Variants in SMOC2 observed in about 807,000 individuals in gnomAD.
SMOC2 encodes the protein SPARC related modular calcium binding 2.
A neutral mutation model predicts 61.4 loss-of-function variants in SMOC2; 39 were observed. That is an observed-to-expected ratio of 0.64 (90% CI 0.49 to 0.83). The LOEUF (loss-of-function observed/expected upper bound fraction) is 0.83. Ranked by LOEUF, SMOC2 falls within the 40% of genes least tolerant of loss-of-function variation. The probability of loss-of-function intolerance (pLI) is 0.00; values close to 1 mark genes in which losing one functional copy is unlikely to be tolerated. For missense variants in SMOC2, 556 were observed against 592.9 expected (o/e 0.94, Z 0.65); for synonymous variants, 247 against 239.9 (o/e 1.03, Z -0.27).
intron 1 of SMOC2, among the ~76,000 whole-genome samples, chr6:168,497,620 G>A (rs988083526): frequency 2.0e-5 from 3 of 152,142 alleles, no homozygotes; most frequent in Non-Finnish European, 4.4e-5. Flanking sequence ...CCCCCGGAAC[G>A]TACCGTTCTC....
At chr6:168,462,736 G>A (rs1449053858) in intron 1 of SMOC2, among the ~76,000 whole-genome samples, 1 of 152,178 alleles carries the variant, frequency 6.6e-6, no homozygotes, top group Non-Finnish European at 1.5e-5. Flanking sequence ...GGAGAAAAAG[G>A]GTTTGGGCTG....
rs529997029 is a variant in SMOC2 at position 168,462,000 on chromosome 6, A to G, written c.84+20546A>G. On this transcript the variant is annotated intron_variant, in intron 1 of 12. Coordinates refer to ENST00000356284, the MANE Select transcript of SMOC2 (RefSeq NM_001166412.2). ...TTTCTCTCCCTTTCTCATAGTTTCTACTGGAGGAGGGCTCTTTATTTTTTT... is the reference window on the plus strand; with the variant it reads ...TTTCTCTCCCTTTCTCATAGTTTCTGCTGGAGGAGGGCTCTTTATTTTTTT... 1.2e-4 allele frequency among the ~76,000 whole-genome samples: 18 copies of G among 152,224 alleles called. 1 individual carries two copies. The South Asian group carries it at 3.7e-3, about 32-fold the overall frequency.
At chr6:168,562,943 C>T (rs571345230) in intron 7 of SMOC2, among the ~76,000 whole-genome samples, 36 of 152,330 alleles carry the variant, frequency 2.4e-4, no homozygotes, top group African/African-American at 7.9e-4. Flanking sequence ...TCGAACCAAC[C>T]CTGTTCCCTC....
chr6:168,603,782 C>T (rs1041700056), intron 8 of SMOC2, among the ~76,000 whole-genome samples: 9 of 151,676 alleles, frequency 5.9e-5, no homozygotes, highest in Admixed American at 1.3e-4. Context: ...ATGGCAGGGG[C>T]GACTCCCTGA....
chr6:168,490,604 C>G (rs1782451926), intron 1 of SMOC2, among the ~76,000 whole-genome samples: 2 of 152,114 alleles, frequency 1.3e-5, no homozygotes, highest in African/African-American at 4.8e-5. Context: ...CTTGCAAGCC[C>G]CTAGGTTTAT....
At chr6:168,574,458 G>T (rs1282549394) in intron 7 of SMOC2, among the ~76,000 whole-genome samples, 2 of 152,248 alleles carry the variant, frequency 1.3e-5, no homozygotes, top group African/African-American at 4.8e-5. Context: ...ATCCCTGGGA[G>T]AGTGAACCTT....
chr6:168,447,282 G>C (rs1403986699), intron 1 of SMOC2, among the ~76,000 whole-genome samples: 1 of 152,092 alleles, frequency 6.6e-6, no homozygotes, highest in Non-Finnish European at 1.5e-5. Flanking sequence ...TGCTGTCCAG[G>C]CTGGTCTCGA....
rs567869190 is a variant in SMOC2, at chr6:168,604,704, A to G, written c.825-3453A>G. Among the ~76,000 whole-genome samples the G allele has an allele frequency of 1.5e-3, 230 of 152,304 alleles. 1 individual carries two copies. The highest frequency in any genetic ancestry group is 3.4e-3 in the Middle Eastern group (1 of 294). ...TAACAGTAAGAAGCTATAAACATAA[A>G]TTGCATCGTCTTTGATATGTGACCT... On this transcript the variant is annotated intron_variant, in intron 8 of 12. Transcript: ENST00000356284.
rs547620058 is a variant in SMOC2, at chr6:168,619,135, A to T, written c.907+10896A>T. On this transcript the variant is annotated intron_variant, in intron 9 of 12. Transcript: ENST00000356284. ...CACATTGTTGAGTTATTTTAGAAGC[A>T]ATGTGGCTTGTTTTTGTTTATGGTT... 1.2e-4 allele frequency among the ~76,000 whole-genome samples: 18 copies of T among 152,252 alleles called. No individual in the cohort carries two copies. The East Asian group carries it at 3.3e-3, about 28-fold the overall frequency.
chr6:168,650,060 T>C (rs893235788), intron 9 of SMOC2, among the ~76,000 whole-genome samples: 13 of 152,150 alleles, frequency 8.5e-5, no homozygotes, highest in Admixed American at 8.5e-4. Flanking sequence ...CGCTGCAGAA[T>C]GTTGGGTGCC....
intron 1 of SMOC2, among the ~76,000 whole-genome samples, chr6:168,493,542 C>T (rs941578874): frequency 3.9e-5 from 6 of 152,180 alleles, no homozygotes; most frequent in African/African-American, 1.4e-4. Flanking sequence ...AAAACTGTTA[C>T]TGTTCAGAAA....
intron 1 of SMOC2, among the ~76,000 whole-genome samples, chr6:168,450,425 A>T (rs1173906095): frequency 6.6e-6 from 1 of 152,178 alleles, no homozygotes; most frequent in Non-Finnish European, 1.5e-5. Flanking sequence ...AACGGACATC[A>T]TCTATTTTCC....
At chr6:168,625,921 G>A (rs961517396) in intron 9 of SMOC2, among the ~76,000 whole-genome samples, 9 of 152,208 alleles carry the variant, frequency 5.9e-5, no homozygotes, top group African/African-American at 1.4e-4. Flanking sequence ...CCGTGGTTAC[G>A]TGTTTGATCG....
intron 9 of SMOC2, among the ~76,000 whole-genome samples, chr6:168,615,697 C>G (rs1786068029): frequency 6.9e-6 from 1 of 143,890 alleles, no homozygotes; most frequent in Non-Finnish European, 1.5e-5. Flanking sequence ...CACAGGGCCT[C>G]TTCACACCTA....
chr6:168,442,104 G>T (rs1488199045), intron 1 of SMOC2, among the ~76,000 whole-genome samples: 1 of 152,246 alleles, frequency 6.6e-6, no homozygotes, highest in African/African-American at 2.4e-5. Context: ...AGCAGATGAG[G>T]TTACAGATGA....
chr6:168,650,921 A>C (rs1787176556), intron 10 of SMOC2, 138 bp downstream of exon 10: 2 of 736,346 alleles, frequency 2.7e-6, no homozygotes, highest in Non-Finnish European at 4.3e-6. Context: ...AGCCTTCTGC[A>C]AACACAGGAA....
chr6:168,443,890 G>T (rs1781273287), intron 1 of SMOC2, among the ~76,000 whole-genome samples: 2 of 152,200 alleles, frequency 1.3e-5, no homozygotes, highest in South Asian at 4.1e-4. Context: ...ATAATCTTCA[G>T]TCCCCTTATC....
At chr6:168,603,066 T>C (rs1785594131) in intron 8 of SMOC2, among the ~76,000 whole-genome samples, 1 of 152,076 alleles carries the variant, frequency 6.6e-6, no homozygotes, top group Non-Finnish European at 1.5e-5. Flanking sequence ...GTTCTCGTGA[T>C]AGTGAGTGAG....
chr6:168,648,016 T>G (rs551623912), intron 9 of SMOC2, among the ~76,000 whole-genome samples: 1 of 152,242 alleles, frequency 6.6e-6, no homozygotes, highest in Non-Finnish European at 1.5e-5. Context: ...TTTTCTCATT[T>G]GAAATATTGT....
Sources: gnomAD v4.1 joint callset for allele counts (sites outside exome capture counted in the v4.1 genomes callset) on GRCh38, gnomAD v4.1.1 for gene constraint, MANE v1.5 for transcripts, NCBI Gene and HGNC (gene_info 2026-07-23, HGNC 2026-07-21) for gene names.